FTCDNL1: variants seen among roughly 807,000 people sequenced by gnomAD.
FTCDNL1 encodes the protein formiminotransferase cyclodeaminase N-terminal like.
A neutral mutation model predicts 5.9 loss-of-function variants in FTCDNL1; 11 were observed. That is an observed-to-expected ratio of 1.87 (90% CI 1.18 to 3.10). The LOEUF (loss-of-function observed/expected upper bound fraction) is 3.10. Ranked by LOEUF, FTCDNL1 falls within the 30% of genes most tolerant of loss-of-function variation. The pLI, the probability that FTCDNL1 is intolerant of heterozygous loss-of-function variation, is 0.00. For synonymous variants in FTCDNL1, 58 were observed against 24.8 expected (o/e 2.34, Z -3.99); for missense variants, 115 against 65.5 (o/e 1.76, Z -2.61).
chr2:199,845,941 A>G (rs1475136902), intron 3 of FTCDNL1, 134 bp downstream of exon 3: 1 of 435,530 alleles, frequency 2.3e-6, no homozygotes. Flanking sequence ...GATTAAGTGT[A>G]GCTTTGTGGT....
rs1488208197 is a variant in FTCDNL1, at chr2:199,843,884, G to A, written c.211+2191C>T. 5.3e-5 allele frequency among the ~76,000 whole-genome samples: 8 copies of A among 152,022 alleles called. No homozygotes were observed. In the East Asian group the frequency reaches 1.5e-3, roughly 29 times the overall value. Reference sequence around the variant, plus strand: ...TTTTTCCAAATTAACCTTACCCCTGGGGCTGAAATCATTCAAGTGGCAGTT... The same window carrying A: ...TTTTTCCAAATTAACCTTACCCCTGAGGCTGAAATCATTCAAGTGGCAGTT... On this transcript the variant is annotated intron_variant, in intron 3 of 4. Coordinates refer to ENST00000420128, the MANE Select transcript of FTCDNL1 (RefSeq NM_001363886.2).
chr2:199,679,731 AT>A, the FTCDNL1 span, among the ~76,000 whole-genome samples: 7,382 of 151,766 alleles, frequency 0.049, 615 homozygotes, highest in African/African-American at 0.17. Context: ...AAAACCTTTG[AT>A]TTTCATTGTG....
At chr2:199,765,178 AC>A (rs1411615608) in intron 3 of FTCDNL1, among the ~76,000 whole-genome samples, 2 of 152,184 alleles carry the variant, frequency 1.3e-5, no homozygotes, top group African/African-American at 4.8e-5. Flanking sequence ...GTGGCTGCAT[AC>A]CATTATGCAT....
At chr2:199,696,236 G>A in the FTCDNL1 span, among the ~76,000 whole-genome samples, 14 of 152,268 alleles carry the variant, frequency 9.2e-5, no homozygotes, top group African/African-American at 1.9e-4. Flanking sequence ...GCTCAAGCAC[G>A]CATACATGGA....
intron 3 of FTCDNL1, among the ~76,000 whole-genome samples, chr2:199,776,036 C>T (rs1364343344): frequency 6.6e-6 from 1 of 151,912 alleles, no homozygotes; most frequent in Non-Finnish European, 1.5e-5. Context: ...GCCTCAGCCT[C>T]CTGAGTAGCT....
At chr2:199,670,625 G>T in the FTCDNL1 span, among the ~76,000 whole-genome samples, 1 of 152,124 alleles carries the variant, frequency 6.6e-6, no homozygotes, top group Non-Finnish European at 1.5e-5. Flanking sequence ...CAAACCACTT[G>T]TTCCCCAAAA....
chr2:199,756,581 G>C (rs888847023), downstream of FTCDNL1, among the ~76,000 whole-genome samples: 1 of 152,174 alleles, frequency 6.6e-6, no homozygotes. Context: ...GCACTGCCTA[G>C]TTTTCAGGAT....
chr2:199,764,431 G>A (rs942288647), intron 3 of FTCDNL1, among the ~76,000 whole-genome samples: 5 of 152,140 alleles, frequency 3.3e-5, no homozygotes, highest in African/African-American at 1.2e-4. Flanking sequence ...TTCTGTTAGC[G>A]TTTGTACCAT....
At chr2:199,833,346 T>C (rs987436923) in intron 3 of FTCDNL1, among the ~76,000 whole-genome samples, 1 of 150,746 alleles carries the variant, frequency 6.6e-6, no homozygotes, top group Non-Finnish European at 1.5e-5. Context: ...TATTGGTTAG[T>C]TCATGCTGAT....
chr2:199,815,151 A>T (rs577441832), intron 4 of FTCDNL1, among the ~76,000 whole-genome samples: 1 of 152,320 alleles, frequency 6.6e-6, no homozygotes, highest in East Asian at 1.9e-4. Flanking sequence ...TTATTTATAG[A>T]TCTAAAAGTA....
chr2:199,746,360 G>A, the FTCDNL1 span, among the ~76,000 whole-genome samples: 3 of 152,144 alleles, frequency 2.0e-5, no homozygotes, highest in Non-Finnish European at 2.9e-5. Flanking sequence ...TAGTGAAGTT[G>A]CGTCGACTTA....
the FTCDNL1 span, among the ~76,000 whole-genome samples, chr2:199,750,528 A>G: frequency 6.6e-6 from 1 of 152,226 alleles, no homozygotes; most frequent in East Asian, 1.9e-4. Flanking sequence ...CCCACACCTA[A>G]CTGGTTCTGA....
the FTCDNL1 span, among the ~76,000 whole-genome samples, chr2:199,746,347 T>C: frequency 6.6e-6 from 1 of 152,172 alleles, no homozygotes; most frequent in Non-Finnish European, 1.5e-5. Flanking sequence ...AAGAAACTCA[T>C]CTTAGTGAAG....
At chr2:199,716,865 A>G in the FTCDNL1 span, among the ~76,000 whole-genome samples, 1 of 152,184 alleles carries the variant, frequency 6.6e-6, no homozygotes, top group Non-Finnish European at 1.5e-5. Context: ...ACAAGTTAGT[A>G]GCTATGGTTC....
At chr2:199,710,273 C>G in the FTCDNL1 span, among the ~76,000 whole-genome samples, 1 of 152,188 alleles carries the variant, frequency 6.6e-6, no homozygotes, top group African/African-American at 2.4e-5. Flanking sequence ...TTTCTAAGAA[C>G]AAGAAAGCTA....
the FTCDNL1 span, among the ~76,000 whole-genome samples, chr2:199,677,534 T>C: frequency 2.6e-5 from 4 of 152,284 alleles, no homozygotes; most frequent in Non-Finnish European, 5.9e-5. Flanking sequence ...GTTGAAAATA[T>C]AGCTTTATGA....
chr2:199,811,246 A>G lies in FTCDNL1; in HGVS notation c.*1459T>C, dbSNP rs1701019018. Among the ~76,000 whole-genome samples the G allele has an allele frequency of 6.6e-6, 1 of 152,224 alleles. No individual in the cohort carries two copies. The highest frequency in any genetic ancestry group is 2.4e-5 in the African/African-American group (1 of 41,466). ...AGAATTATATCAGTTTTAACATTGC[A>G]CAGAGTATAATTGGAATTTTTGTCA... On this transcript the variant is annotated 3_prime_UTR_variant, in exon 5 of 5. Transcript: ENST00000420128.
At chr2:199,716,924 A>C in the FTCDNL1 span, among the ~76,000 whole-genome samples, 3 of 152,236 alleles carry the variant, frequency 2.0e-5, no homozygotes, top group East Asian at 5.8e-4. Context: ...CCCCTAATTA[A>C]GGGCTTGGCA....
At chr2:199,675,087 G>T in the FTCDNL1 span, among the ~76,000 whole-genome samples, 2 of 152,094 alleles carry the variant, frequency 1.3e-5, no homozygotes, top group East Asian at 3.9e-4. Flanking sequence ...TCCATCTATT[G>T]ACCCCTTTTT....
Sources: allele counts gnomAD v4.1 joint callset (sites outside exome capture counted in the v4.1 genomes callset), GRCh38; gene constraint gnomAD v4.1.1; transcripts MANE v1.5; gene names NCBI Gene and HGNC (gene_info 2026-07-23, HGNC 2026-07-21).